CIITA: variants seen among roughly 807,000 people sequenced by gnomAD.
CIITA encodes MHC class II transactivator.
CIITA carries 72 observed loss-of-function variants against 115.1 expected under a neutral mutation model. The ratio of observed to expected loss-of-function variants is 0.63; its 90% CI spans 0.52 to 0.76. The LOEUF is 0.76. CIITA is among the 30% of genes least tolerant of loss of function. The pLI, the probability that CIITA is intolerant of heterozygous loss-of-function variation, is 0.00. For missense variants in CIITA, 1,617 were observed against 1,463.8 expected (o/e 1.10, Z -1.71); for synonymous variants, 763 against 635.6 (o/e 1.20, Z -3.02).
chr16:10,891,002 G>T (rs2037512454), intron 1 of CIITA, among the ~76,000 whole-genome samples: 1 of 152,174 alleles, frequency 6.6e-6, no homozygotes, highest in Non-Finnish European at 1.5e-5. Context: ...TTACGCCAAA[G>T]CTCACGATAC....
intron 3 of CIITA, among the ~76,000 whole-genome samples, chr16:10,896,476 C>G (rs1229712882): frequency 6.6e-6 from 1 of 152,200 alleles, no homozygotes; most frequent in Non-Finnish European, 1.5e-5. Context: ...GGGCAGGACT[C>G]TTGGGGAGAG....
At chr16:10,899,532 C>T (rs561381021) in intron 5 of CIITA, among the ~76,000 whole-genome samples, 6 of 152,334 alleles carry the variant, frequency 3.9e-5, no homozygotes, top group Non-Finnish European at 5.9e-5. Flanking sequence ...ACATATTTTA[C>T]GCCTTGCTCT....
intron 1 of CIITA, among the ~76,000 whole-genome samples, chr16:10,870,264 GC>G (rs1351781591): frequency 6.6e-6 from 1 of 151,688 alleles, no homozygotes; most frequent in Non-Finnish European, 1.5e-5. Context: ...AAATAGGGTG[GC>G]AGTCTTCAAA....
chr16:10,875,969 C>CA (rs35890960), upstream of CIITA, among the ~76,000 whole-genome samples: 3 of 151,076 alleles, frequency 2.0e-5, no homozygotes, highest in Non-Finnish European at 2.9e-5. Context: ...GACTCCGTCT[C>CA]AAAAAAAGAA....
At chr16:10,914,394 G>A (rs79656709) in intron 13 of CIITA, among the ~76,000 whole-genome samples, 3,739 of 152,182 alleles carry the variant, frequency 0.025, 162 homozygotes, top group African/African-American at 0.084. Context: ...AGAACATTTC[G>A]GAATGAATTC....
chr16:10,873,960 T>A (rs1747893015), upstream of CIITA, among the ~76,000 whole-genome samples: 1 of 152,000 alleles, frequency 6.6e-6, no homozygotes, highest in Non-Finnish European at 1.5e-5. Context: ...GTTGCTGTTG[T>A]TGTGTTTTGT....
At chr16:10,874,655 C>A (rs901657906), upstream of CIITA, among the ~76,000 whole-genome samples, 2 of 152,192 alleles carry the variant, frequency 1.3e-5, no homozygotes, top group South Asian at 4.1e-4. Flanking sequence ...GTCTTGTGGA[C>A]AAGAACTGGG....
rs2039216213 is a variant in CIITA at position 10,907,046 on chromosome 16, A to C, written c.1554A>C (p.Ala518=). The C allele has an allele frequency of 3.7e-6, 6 of 1,607,236 alleles. No individual in the cohort carries two copies. In the South Asian group the frequency reaches 6.6e-5, roughly 18 times the overall value. Residue 518 remains alanine (A), a synonymous_variant, in exon 11 of 20, where the codon GCA becomes GCC. Coordinates refer to ENST00000324288, the MANE Select transcript of CIITA (RefSeq NM_000246.4). The surrounding 1 kb of genome is among the most constrained non-coding windows in gnomAD (Gnocchi z 5.0). ...TCCTGCACAGCACGTGCGGACCGGC[A>C]CCGGCGGAGCCCTGCTCCCTCCGGG... ...DGFLHSTCGP[A]PAEPCSLRGL... is the part of the protein sequence containing the mutation.
At chr16:10,898,648 G>A (rs1439826723) in intron 3 of CIITA, 22 bp from the exon 4 acceptor site, 2 of 1,599,622 alleles carry the variant, frequency 1.3e-6, no homozygotes, top group Admixed American at 1.7e-5. Context: ...TTGATTGACT[G>A]CGCTTTTCCT....
Position 10,906,887 on chromosome 16 carries a change from G to C in CIITA, c.1395G>C (p.Leu465=), listed in dbSNP as rs1320998457. 6.2e-7 allele frequency: 1 copy of C among 1,613,312 alleles called. No individual in the cohort carries two copies. The highest frequency in any genetic ancestry group is 8.5e-7 in the Non-Finnish European group (1 of 1,180,022). ...CLNRPGDAYG[L]QDLLFSLGPQ... ...ACCGTCCGGGGGATGCCTATGGCCT[G>C]CAGGATCTGCTCTTCTCCCTGGGCC... Residue 465 remains leucine (L), a synonymous_variant, in exon 11 of 20, where the codon CTG becomes CTC. Transcript: ENST00000324288.
At chr16:10,902,005 A>T in intron 6 of CIITA, 33 bp from the exon 7 acceptor site, 1 of 1,613,134 alleles carries the variant, frequency 6.2e-7, no homozygotes, top group Non-Finnish European at 8.5e-7. Flanking sequence ...CCCTCCAAGC[A>T]CCCAGTCTCT....
intron 13 of CIITA, among the ~76,000 whole-genome samples, chr16:10,912,127 T>G (rs2039624447): frequency 2.0e-5 from 3 of 152,124 alleles, no homozygotes; most frequent in African/African-American, 7.2e-5. Flanking sequence ...GTGCTGTTTT[T>G]TTTTGGAGAT....
chr16:10,893,933 C>T (rs1038170131), intron 1 of CIITA, among the ~76,000 whole-genome samples: 2 of 150,132 alleles, frequency 1.3e-5, no homozygotes, highest in Admixed American at 6.7e-5. Flanking sequence ...CCTAAAGAAA[C>T]TCCAGACCCA....
rs2038009783 is a variant in CIITA at position 10,895,290 on chromosome 16, C to CTGT, written c.61_62insTGT (p.Gln21delinsLeuTer). On this transcript the variant is annotated stop_gained and protein_altering_variant, in exon 2 of 20. Coordinates refer to ENST00000324288, the MANE Select transcript of CIITA (RefSeq NM_000246.4). LOFTEE classifies it high-confidence loss of function. Reference sequence around the variant, plus strand: ...ATTGTCTTCCCTCCCAGGCAGCTCACAGTGTGCCACCATGGAGTTGGGGCC... The same window carrying CTGT: ...ATTGTCTTCCCTCCCAGGCAGCTCACTGTAGTGTGCCACCATGGAGTTGGGGCC... The CTGT allele has an allele frequency of 1.2e-6, 2 of 1,613,876 alleles. No homozygotes were observed. Among genetic ancestry groups the CTGT allele is most frequent in the Non-Finnish European group, 1.7e-6 (2 of 1,180,034 alleles).
chr16:10,919,561 T>G (rs2040161378), intron 16 of CIITA, among the ~76,000 whole-genome samples: 1 of 151,892 alleles, frequency 6.6e-6, no homozygotes, highest in Non-Finnish European at 1.5e-5. Flanking sequence ...CAGGTTGTAG[T>G]GCAGGGGTGC....
Position 10,907,782 on chromosome 16 carries a change from C to G in CIITA, c.2290C>G (p.Gln764Glu). Reference protein sequence around the residue: ...VPRFLAGLIFQPPARCLGALL... With the variant: ...VPRFLAGLIFEPPARCLGALL... ...ACGCTTTCTGGCTGGGCTGATCTTC[C>G]AGCCTCCCGCCCGCTGCCTGGGAGC... The change falls in exon 11 of 20, where the codon CAG (glutamine) becomes GAG (glutamate). Residue 764 changes from glutamine (Q) to glutamate (E), a missense_variant. Physicochemically the swap from Gln to Glu is conservative, Grantham distance 29 (BLOSUM62 2). Coordinates refer to ENST00000324288, the MANE Select transcript of CIITA (RefSeq NM_000246.4). This position sits in a 1 kb window ranked among gnomAD's most constrained non-coding sequence, Gnocchi z 5.0. 1 of 1,614,190 alleles carries G rather than the reference C, an allele frequency of 6.2e-7. No individual in the cohort carries two copies. The highest frequency in any genetic ancestry group is 8.5e-7 in the Non-Finnish European group (1 of 1,180,026).
At chr16:10,915,461 G>A (rs1343372366) in intron 13 of CIITA, 109 bp from the exon 14 acceptor site, 11 of 826,010 alleles carry the variant, frequency 1.3e-5, no homozygotes, top group Admixed American at 7.2e-5. Context: ...GGAAGAGGAG[G>A]GGCCTCAGAC....
At chr16:10,919,503 CTTATTTAT>C (rs55706326) in intron 16 of CIITA, among the ~76,000 whole-genome samples, 4 of 149,320 alleles carry the variant, frequency 2.7e-5, no homozygotes, top group Non-Finnish European at 1.5e-5. Context: ...GCCCGGCCAA[CTTATTTAT>C]TTATTTATTT....
chr16:10,905,965 T>C (rs777549480), intron 10 of CIITA, among the ~76,000 whole-genome samples: 10 of 151,900 alleles, frequency 6.6e-5, no homozygotes, highest in Admixed American at 6.6e-5. Flanking sequence ...GGCGGAACGA[T>C]TGCTTGAGCC....
Sources: gnomAD v4.1 joint callset for allele counts (sites outside exome capture counted in the v4.1 genomes callset) on GRCh38, gnomAD v4.1.1 for gene constraint, Gnocchi (gnomAD v3.1) non-coding constraint, MANE v1.5 for transcripts, NCBI Gene and HGNC (gene_info 2026-07-23, HGNC 2026-07-21) for gene names.